The following MYRIP variants were observed in gnomAD, a reference collection of about 807,000 sequenced individuals.
MYRIP encodes the protein rab effector MyRIP.
In MYRIP, 49 loss-of-function variants were observed where a neutral mutation model predicts 98.0. The ratio of observed to expected loss-of-function variants is 0.50; its 90% CI spans 0.40 to 0.63. The LOEUF (loss-of-function observed/expected upper bound fraction) is 0.63. Ranked by LOEUF, MYRIP falls within the 30% of genes least tolerant of loss-of-function variation. MYRIP has a pLI of 0.00. For synonymous variants in MYRIP, 404 were observed against 409.5 expected (o/e 0.99, Z 0.16); for missense variants, 1,004 against 1,058.2 (o/e 0.95, Z 0.71).
intron 3 of MYRIP, among the ~76,000 whole-genome samples, chr3:40,090,663 C>T (rs1948722567): frequency 6.6e-6 from 1 of 152,208 alleles, no homozygotes; most frequent in Non-Finnish European, 1.5e-5. Context: ...AACCTCCTGG[C>T]TTATGCGTTT....
At chr3:40,055,148 C>T (rs997792490) in intron 3 of MYRIP, among the ~76,000 whole-genome samples, 1 of 152,120 alleles carries the variant, frequency 6.6e-6, no homozygotes, top group African/African-American at 2.4e-5. Context: ...AGTCTTGAGG[C>T]CTTTAGGCAT....
At chr3:40,145,998 T>C (rs1161162899) in intron 3 of MYRIP, among the ~76,000 whole-genome samples, 2 of 152,188 alleles carry the variant, frequency 1.3e-5, no homozygotes, top group Non-Finnish European at 2.9e-5. Context: ...ACATGGGATA[T>C]AGGAGTGGGA....
At chr3:40,198,939 C>T (rs182706730) in intron 10 of MYRIP, among the ~76,000 whole-genome samples, 57 of 151,840 alleles carry the variant, frequency 3.8e-4, no homozygotes, top group Non-Finnish European at 6.5e-4. Flanking sequence ...AAAAACATAA[C>T]GATGAAAAGG....
At chr3:39,816,767 G>A (rs1322301719) in intron 1 of MYRIP, among the ~76,000 whole-genome samples, 1 of 152,130 alleles carries the variant, frequency 6.6e-6, no homozygotes, top group Non-Finnish European at 1.5e-5. Flanking sequence ...TAGGCAAACA[G>A]AAGAAAGTAA....
chr3:40,084,806 A>G lies in MYRIP; in HGVS notation c.332+40535A>G, dbSNP rs1446532316. 1.8e-4 allele frequency among the ~76,000 whole-genome samples: 9 copies of G among 50,970 alleles called. No individual in the cohort carries two copies. The East Asian group carries it at 2.2e-3, about 13-fold the overall frequency. 33.4% of individuals were successfully genotyped at this position (50,970 alleles called of 152,430 possible). On this transcript the variant is annotated intron_variant, in intron 3 of 16. Transcript: ENST00000302541. ...TGTTACATGTCGATAGATAATATAT[A>G]TCTATGTGTTACATGTCGATAGATA...
chr3:39,986,065 G>A (rs770127648), intron 2 of MYRIP, among the ~76,000 whole-genome samples: 2 of 152,128 alleles, frequency 1.3e-5, no homozygotes, highest in Non-Finnish European at 2.9e-5. Flanking sequence ...CTCATCTGAC[G>A]TAAGGAAAGT....
chr3:40,170,914 T>TTA (rs1170606490), intron 8 of MYRIP, among the ~76,000 whole-genome samples: 3 of 152,134 alleles, frequency 2.0e-5, no homozygotes, highest in Non-Finnish European at 4.4e-5. Flanking sequence ...CATGAGCAGA[T>TTA]TAAAACGAGG....
In MYRIP at chr3:40,234,005, G is replaced by C; in HGVS notation, c.2052G>C (p.Gly684=). 1 of 1,613,158 alleles carries C rather than the reference G, an allele frequency of 6.2e-7. No homozygotes were observed. The highest frequency in any genetic ancestry group is 8.5e-7 in the Non-Finnish European group (1 of 1,179,726). The part of the protein sequence containing the change: ...PDRQKGMFPR[G]TDQVRLDEQL... ...GACAGAAGGGGATGTTTCCTCGTGG[G>C]ACAGACCAAGTGAGACTGGATGAGC... Residue 684 remains glycine, a synonymous_variant, in exon 12 of 17, where the codon GGG becomes GGC. Coordinates refer to ENST00000302541, the MANE Select transcript of MYRIP (RefSeq NM_015460.4).
At chr3:39,995,554 G>A (rs1018587741) in intron 2 of MYRIP, among the ~76,000 whole-genome samples, 3 of 152,180 alleles carry the variant, frequency 2.0e-5, no homozygotes, top group East Asian at 1.9e-4. Context: ...CCAAATCTAC[G>A]TCTGATTGGT....
chr3:40,221,375 A>C (rs1952332679), intron 11 of MYRIP, among the ~76,000 whole-genome samples: 2 of 152,206 alleles, frequency 1.3e-5, no homozygotes, highest in African/African-American at 4.8e-5. Flanking sequence ...TCACTCTTGT[A>C]ATGCCAACAC....
intron 3 of MYRIP, among the ~76,000 whole-genome samples, chr3:40,057,588 C>T (rs1947910268): frequency 6.6e-6 from 1 of 152,160 alleles, no homozygotes. Flanking sequence ...TTCTCACAGA[C>T]CACCCCTGTC....
chr3:40,190,451 A>G lies in MYRIP; in HGVS notation c.1653A>G (p.Leu551=), dbSNP rs2125630432. The change falls in exon 10 of 17, where the codon CTA becomes CTG. Residue 551 remains leucine, a synonymous_variant. Transcript: ENST00000302541. ...CCCCCAGCGCCCAGCTCCGGGATCT[A>G]GACACACATCAGGTAATGGAAGTGC... ...PSSPSAQLRD[L]DTHQVSDDLS... is the part of the protein sequence containing the mutation. 1 of 1,593,562 alleles carries G rather than the reference A, an allele frequency of 6.3e-7. No homozygotes were observed. Among genetic ancestry groups the G allele is most frequent in the East Asian group, 2.2e-5 (1 of 44,672 alleles).
At chr3:40,031,637 T>C (rs962550988) in intron 2 of MYRIP, among the ~76,000 whole-genome samples, 9 of 152,114 alleles carry the variant, frequency 5.9e-5, no homozygotes, top group African/African-American at 1.7e-4. Context: ...ACCTGGACCA[T>C]TGGGTGAGAG....
At chr3:39,931,857 C>G (rs1370602018) in intron 2 of MYRIP, among the ~76,000 whole-genome samples, 1 of 152,034 alleles carries the variant, frequency 6.6e-6, no homozygotes, top group East Asian at 1.9e-4. Context: ...TGAATAAATC[C>G]TAATTGGTTA....
intron 3 of MYRIP, among the ~76,000 whole-genome samples, chr3:40,072,834 A>C (rs200588056): frequency 1.7e-4 from 1 of 5,716 alleles, no homozygotes; most frequent in African/African-American, 3.4e-4. Flanking sequence ...GTTCTTTTTT[A>C]AAAAAAAATG....
At chr3:40,162,290 T>C (rs1950412261) in intron 4 of MYRIP, among the ~76,000 whole-genome samples, 1 of 152,148 alleles carries the variant, frequency 6.6e-6, no homozygotes, top group African/African-American at 2.4e-5. Flanking sequence ...GCTTTGCTCA[T>C]CAGTGTACCC....
At chr3:39,826,116 T>TA (rs1239536700) in intron 1 of MYRIP, among the ~76,000 whole-genome samples, 3 of 150,688 alleles carry the variant, frequency 2.0e-5, no homozygotes, top group African/African-American at 7.3e-5. Context: ...TTATATTTTT[T>TA]TAAAAAAACA....
chr3:40,212,169 CAT>C (rs1951962427), intron 11 of MYRIP, among the ~76,000 whole-genome samples: 2 of 5,364 alleles, frequency 3.7e-4, no homozygotes, highest in African/African-American at 6.3e-4. Flanking sequence ...TATATATATA[CAT>C]ATATATACGT....
intron 2 of MYRIP, among the ~76,000 whole-genome samples, chr3:40,040,977 A>G (rs1311071170): frequency 3.3e-5 from 1 of 30,688 alleles, no homozygotes; most frequent in African/African-American, 5.8e-5. Flanking sequence ...AACTTAGAGT[A>G]TAATAAAAAA....
Sources: gnomAD v4.1 joint callset for allele counts (sites outside exome capture counted in the v4.1 genomes callset) on GRCh38, gnomAD v4.1.1 for gene constraint, MANE v1.5 for transcripts, NCBI Gene and HGNC (gene_info 2026-07-23, HGNC 2026-07-21) for gene names.